The following HECTD4 variants were observed in gnomAD, a reference collection of about 807,000 sequenced individuals.
The protein encoded by HECTD4 is HECT domain E3 ubiquitin protein ligase 4.
A neutral mutation model predicts 471.5 loss-of-function variants in HECTD4; 114 were observed. The ratio of observed to expected loss-of-function variants is 0.24; its 90% CI spans 0.21 to 0.28. The LOEUF (loss-of-function observed/expected upper bound fraction) is 0.28. HECTD4 is among the 10% of genes least tolerant of loss of function. The pLI, the probability that HECTD4 is intolerant of heterozygous loss-of-function variation, is 1.00. For missense variants in HECTD4, 3,866 were observed against 5,651.5 expected (o/e 0.68, Z 10.13); for synonymous variants, 2,012 against 2,256.0 (o/e 0.89, Z 3.07).
At chr12:112,236,918 C>A in intron 35 of HECTD4, 27 bp downstream of exon 35, 1 of 1,514,928 alleles carries the variant, frequency 6.6e-7, no homozygotes, top group Non-Finnish European at 8.9e-7. Flanking sequence ...CAGCTTCTCC[C>A]AGAGCTCCAG....
chr12:112,341,953 T>C (rs1297511017), intron 1 of HECTD4, among the ~76,000 whole-genome samples: 1 of 152,224 alleles, frequency 6.6e-6, no homozygotes, highest in African/African-American at 2.4e-5. Context: ...CCCAAAATAA[T>C]ATGACTCTAG....
At chr12:112,167,163 A>G in intron 72 of HECTD4, 154 bp downstream of exon 72, 1 of 610,370 alleles carries the variant, frequency 1.6e-6, no homozygotes. Flanking sequence ...TCCCCATGAA[A>G]TAAGCCTTCC....
Position 112,163,619 on chromosome 12 carries a change from G to A in HECTD4, c.12820C>T (p.Leu4274=). The A allele has an allele frequency of 6.5e-7, 1 of 1,540,380 alleles. No homozygotes were observed. The highest frequency in any genetic ancestry group is 8.7e-7 in the Non-Finnish European group (1 of 1,142,934). Residue 4274 remains leucine, a synonymous_variant, in exon 74 of 76, where the codon CTG becomes TTG. Coordinates refer to ENST00000682272, the MANE Select transcript of HECTD4 (RefSeq NM_001388303.1). The surrounding 1 kb of genome is among the most constrained non-coding windows in gnomAD (Gnocchi z 8.2). ...TCCAGTGGGCTGAGCATGGTCAGCA[G>A]CTGCAGGGGGATGATGGAGCCCAGG... ...AGLGSIIPLQ[L]LTMLSPLEME...
intron 19 of HECTD4, 60 bp downstream of exon 19, chr12:112,259,052 G>A: frequency 6.8e-7 from 1 of 1,464,960 alleles, no homozygotes; most frequent in Admixed American, 2.4e-5. Flanking sequence ...AAAGCAAACA[G>A]CCATCCTGTG....
At chr12:112,376,892 C>T (rs2036790925) in intron 1 of HECTD4, among the ~76,000 whole-genome samples, 1 of 152,126 alleles carries the variant, frequency 6.6e-6, no homozygotes, top group South Asian at 2.1e-4. Flanking sequence ...GTGGGCAGAT[C>T]ACCTGAGGTC....
At chr12:112,200,888 T>C (rs60619319) in intron 54 of HECTD4, 90 bp from the exon 55 acceptor site, 51,720 of 362,306 alleles carry the variant, frequency 0.14, 1,022 homozygotes, top group South Asian at 0.21. Context: ...TGCGTGCGTG[T>C]GTGTGTGTGT....
intron 1 of HECTD4, among the ~76,000 whole-genome samples, chr12:112,360,099 G>C (rs554932654): frequency 1.3e-5 from 2 of 152,168 alleles, no homozygotes; most frequent in Admixed American, 1.3e-4. Flanking sequence ...ATTTTTCTTG[G>C]TAACTAGAAG....
intron 45 of HECTD4, among the ~76,000 whole-genome samples, chr12:112,218,916 G>C (rs2033008634): frequency 6.6e-6 from 1 of 151,738 alleles, no homozygotes; most frequent in African/African-American, 2.4e-5. Flanking sequence ...AGTATTTTTA[G>C]TAGAGATGGG....
At chr12:112,292,031 G>A (rs1409421091) in intron 7 of HECTD4, among the ~76,000 whole-genome samples, 1 of 151,950 alleles carries the variant, frequency 6.6e-6, no homozygotes, top group East Asian at 1.9e-4. Context: ...TTTAAAACAC[G>A]ATCCCATCAC....
chr12:112,342,760 C>T (rs1035663181), intron 1 of HECTD4, among the ~76,000 whole-genome samples: 8 of 152,200 alleles, frequency 5.3e-5, no homozygotes, highest in East Asian at 1.9e-4. Flanking sequence ...GCCAAAACCA[C>T]GTATGCCAAA....
At position 112,274,905 on chromosome 12, in the gene HECTD4, T is replaced by C. The variant is rs1184450157; in HGVS notation, c.1743A>G (p.Ala581=). The C allele has an allele frequency of 3.9e-6, 6 of 1,550,374 alleles. No homozygotes were observed. The South Asian group carries it at 7.1e-5, about 18-fold the overall frequency. ...NISDGQFTSR[A]DLIDAAGSSL... is the part of the protein sequence containing the mutation. ...AGCTTCCAGCAGCATCTATGAGATCTGCACGACTTGTAAACTGACCATCCG... is the reference window on the plus strand; with the variant it reads ...AGCTTCCAGCAGCATCTATGAGATCCGCACGACTTGTAAACTGACCATCCG... Residue 581 remains alanine, a synonymous_variant, in exon 10 of 76, where the codon GCA becomes GCG. Coordinates refer to ENST00000682272, the MANE Select transcript of HECTD4 (RefSeq NM_001388303.1).
chr12:112,372,104 C>CTTTT (rs538069859), intron 1 of HECTD4, among the ~76,000 whole-genome samples: 2 of 135,866 alleles, frequency 1.5e-5, no homozygotes, highest in Admixed American at 7.4e-5. Flanking sequence ...ATAATCACAT[C>CTTTT]TTTTTTTTTT....
In HECTD4 at chr12:112,279,401, G is replaced by A. The variant is rs570153441; in HGVS notation, c.1529-15C>T. The A allele has an allele frequency of 1.0e-5, 16 of 1,572,524 alleles. No homozygotes were observed. Among genetic ancestry groups the A allele is most frequent in the South Asian group, 8.3e-5 (7 of 84,188 alleles). On this transcript the variant is annotated splice_polypyrimidine_tract_variant and intron_variant, in intron 8 of 75. Coordinates refer to ENST00000682272, the MANE Select transcript of HECTD4 (RefSeq NM_001388303.1). Reference sequence around the variant, plus strand: ...GCTAGTATTTGCTGGAGAAAGGAATGAAAATGCTAAATCAAAATATTTGAC... The same window carrying A: ...GCTAGTATTTGCTGGAGAAAGGAATAAAAATGCTAAATCAAAATATTTGAC...
rs10850026 is a variant in HECTD4 at position 112,300,056 on chromosome 12, C to T, written c.1335+6008G>A. ...CAAGGCCAGGCACAGTGGCTCACGC[C>T]TACAAGTCCAGCACTTTGGGAGGCC... On this transcript the variant is annotated intron_variant, in intron 7 of 75. Coordinates refer to ENST00000682272, the MANE Select transcript of HECTD4 (RefSeq NM_001388303.1). Among the ~76,000 whole-genome samples, 8,451 of 152,192 alleles carry T rather than the reference C, an allele frequency of 0.056. 1,284 individuals carry two copies. In the East Asian group the frequency reaches 0.61, roughly 11 times the overall value.
At chr12:112,182,442 A>C (rs1242830304) in intron 62 of HECTD4, among the ~76,000 whole-genome samples, 1 of 152,054 alleles carries the variant, frequency 6.6e-6, no homozygotes, top group East Asian at 1.9e-4. Flanking sequence ...AAGAGCCACC[A>C]GAATGGCAAA....
intron 60 of HECTD4, among the ~76,000 whole-genome samples, chr12:112,186,101 T>TA (rs779842829): frequency 2.6e-4 from 40 of 151,874 alleles, no homozygotes; most frequent in Non-Finnish European, 5.1e-4. Context: ...GCCTCCTGAG[T>TA]AGCTGGGATT....
chr12:112,215,447 G>A (rs1197063532), intron 48 of HECTD4, among the ~76,000 whole-genome samples: 1 of 152,024 alleles, frequency 6.6e-6, no homozygotes, highest in African/African-American at 2.4e-5. Flanking sequence ...CTGTTTTTTT[G>A]CTATAGCTGG....
chr12:112,302,791 A>C lies in HECTD4; in HGVS notation c.1335+3273T>G, dbSNP rs185376400. On this transcript the variant is annotated intron_variant, in intron 7 of 75. Transcript: ENST00000682272. ...AGTCTGCTCTTTTTGTTTAATTTTA[A>C]AACTTTTTATTAGGGAAAATTTTCA... 2.6e-3 allele frequency: 706 copies of C among 271,720 alleles called. 7 individuals carry two copies. Among genetic ancestry groups the C allele is most frequent in the African/African-American group, 0.014 (645 of 44,644 alleles). 16.8% of individuals were successfully genotyped at this position (271,720 alleles called of 1,614,324 possible).
At chr12:112,234,420 T>C (rs1244343579) in intron 37 of HECTD4, among the ~76,000 whole-genome samples, 1 of 152,146 alleles carries the variant, frequency 6.6e-6, no homozygotes, top group East Asian at 1.9e-4. Flanking sequence ...GGGGATTCAA[T>C]TATGAGGATG....
Sources: allele counts gnomAD v4.1 joint callset (sites outside exome capture counted in the v4.1 genomes callset), GRCh38; gene constraint gnomAD v4.1.1; non-coding constraint Gnocchi (gnomAD v3.1); transcripts MANE v1.5; gene names NCBI Gene and HGNC (gene_info 2026-07-23, HGNC 2026-07-21).